Variants in SNX2 observed in about 807,000 individuals in gnomAD.
SNX2 encodes the protein sorting nexin-2.
A neutral mutation model predicts 69.9 loss-of-function variants in SNX2; 25 were observed. The observed-to-expected ratio is 0.36, with a 90% CI of 0.26 to 0.50. The LOEUF (loss-of-function observed/expected upper bound fraction) is 0.50, where lower values mean the gene tolerates loss of function less well. Ranked by LOEUF, SNX2 falls within the 20% of genes least tolerant of loss-of-function variation. The pLI is 0.97. For synonymous variants in SNX2, 229 were observed against 200.4 expected, an observed-to-expected ratio of 1.14 and a Z score of -1.20; for missense variants, 551 against 613.3, an observed-to-expected ratio of 0.90 and a Z score of 1.07.
At chr5:122,791,067 T>C (rs971396975) in intron 1 of SNX2, among the ~76,000 whole-genome samples, 2 of 152,126 alleles carry the variant, frequency 1.3e-5, no homozygotes, top group Non-Finnish European at 2.9e-5. Flanking sequence ...CATTAATAGA[T>C]ATTGGAGCCA....
chr5:122,832,618 C>T lies in SNX2; in HGVS notation c.*2970C>T, dbSNP rs1016783766. On this transcript the variant is annotated 3_prime_UTR_variant, in exon 15 of 15. Coordinates refer to ENST00000379516, the MANE Select transcript of SNX2 (RefSeq NM_003100.4). ...GTTCAAAAGTAATTGCGTCCTTTGT[C>T]GTTATATAAATTGTTTTATAAATGG... 22 of 151,924 alleles carry T rather than the reference C, an allele frequency of 1.4e-4. No individual in the cohort carries two copies. The highest frequency in any genetic ancestry group is 3.6e-4 in the African/African-American group (15 of 41,446). 9.4% of individuals were successfully genotyped at this position (151,924 alleles called of 1,614,324 possible). A position where few individuals can be genotyped will look rare whatever the true frequency, so the allele number is the denominator to read the frequency against.
At chr5:122,818,701 A>C in intron 10 of SNX2, 117 bp from the exon 11 acceptor site, 1 of 770,674 alleles carries the variant, frequency 1.3e-6, no homozygotes, top group South Asian at 2.0e-5. Context: ...TTAATTTAAA[A>C]TATTATTTGA....
chr5:122,777,454 T>C (rs1409422429), intron 1 of SNX2, among the ~76,000 whole-genome samples: 4 of 152,214 alleles, frequency 2.6e-5, no homozygotes, highest in Admixed American at 2.6e-4. Context: ...TAAGAAAATA[T>C]ATACTACTTA....
chr5:122,823,735 TG>T (rs1754081188), intron 11 of SNX2, among the ~76,000 whole-genome samples: 1 of 142,586 alleles, frequency 7.0e-6, no homozygotes, highest in Non-Finnish European at 1.5e-5. Context: ...TGTGTGTGTG[TG>T]TCGGAAGTGA....
intron 1 of SNX2, among the ~76,000 whole-genome samples, chr5:122,787,230 G>C (rs370308407): frequency 1.3e-5 from 2 of 152,088 alleles, no homozygotes; most frequent in African/African-American, 4.8e-5. Context: ...AAGATTAACA[G>C]CTCCCTTGGC....
Position 122,775,124 on chromosome 5 carries a change from T to A in SNX2, c.21T>A (p.Pro7=), listed in dbSNP as rs1311699030. 1 of 1,592,516 alleles carries A rather than the reference T, an allele frequency of 6.3e-7. No homozygotes were observed. The highest frequency in any genetic ancestry group is 2.3e-5 in the East Asian group (1 of 43,996). The change falls in exon 1 of 15, where the codon CCT becomes CCA. Residue 7 remains proline, a synonymous_variant. Coordinates refer to ENST00000379516, the MANE Select transcript of SNX2 (RefSeq NM_003100.4). MAAERE[P]PPLGDGKPTD... is the part of the protein sequence containing the mutation. ...CGAAGATGGCGGCCGAGAGGGAACC[T>A]CCTCCGCTGGGGGACGGGAAGCCCA...
At position 122,781,335 on chromosome 5, in the gene SNX2, A is replaced by G. The variant is rs112439516; in HGVS notation, c.108+6124A>G. ...ATTTGAGAGTCATTAAGTTTGTTCT[A>G]TGTATCAATTGTTAATGACTTGTTT... On this transcript the variant is annotated intron_variant, in intron 1 of 14. Transcript: ENST00000379516. Among the ~76,000 whole-genome samples, 660 of 152,282 alleles carry G rather than the reference A, an allele frequency of 4.3e-3. 5 individuals are homozygous for G. The highest frequency in any genetic ancestry group is 0.015 in the African/African-American group (625 of 41,562).
chr5:122,816,445 A>G (rs925262622), intron 8 of SNX2, among the ~76,000 whole-genome samples: 12 of 152,314 alleles, frequency 7.9e-5, no homozygotes, highest in Non-Finnish European at 1.3e-4. Context: ...TCCTAAGAGC[A>G]ATTTGAGTTC....
chr5:122,804,169 A>G (rs989350170), intron 6 of SNX2, among the ~76,000 whole-genome samples: 1 of 152,100 alleles, frequency 6.6e-6, no homozygotes, highest in African/African-American at 2.4e-5. Context: ...AAGCAGTTGG[A>G]AGCCCTAACC....
At chr5:122,825,608 C>G (rs1375612169) in intron 11 of SNX2, among the ~76,000 whole-genome samples, 1 of 151,878 alleles carries the variant, frequency 6.6e-6, no homozygotes, top group Non-Finnish European at 1.5e-5. Flanking sequence ...TACCACATAT[C>G]TTATGAGTTT....
intron 1 of SNX2, among the ~76,000 whole-genome samples, chr5:122,777,358 T>C (rs145975406): frequency 0.015 from 2,272 of 152,340 alleles, 23 homozygotes; most frequent in Non-Finnish European, 0.019. Context: ...TTTCCTGATA[T>C]CAGTGCTTCT....
intron 6 of SNX2, among the ~76,000 whole-genome samples, chr5:122,805,290 CAAA>C (rs767897080): frequency 6.8e-5 from 6 of 88,252 alleles, no homozygotes; most frequent in Admixed American, 1.2e-4. Context: ...GACTCCATCT[CAAA>C]AAAAAAAAAA....
At chr5:122,814,468 T>G (rs1046913402) in intron 7 of SNX2, among the ~76,000 whole-genome samples, 3 of 152,192 alleles carry the variant, frequency 2.0e-5, no homozygotes, top group African/African-American at 7.2e-5. Flanking sequence ...TAAAACGAAG[T>G]TTAGTATGCT....
chr5:122,805,431 T>A (rs1327156753), intron 6 of SNX2, among the ~76,000 whole-genome samples: 2 of 152,100 alleles, frequency 1.3e-5, no homozygotes, highest in East Asian at 3.9e-4. Context: ...AGCCAAATTT[T>A]GCTGATTTTT....
intron 12 of SNX2, 55 bp downstream of exon 12, chr5:122,826,248 T>G: frequency 1.4e-6 from 2 of 1,454,384 alleles, no homozygotes; most frequent in Middle Eastern, 4.8e-4. Flanking sequence ...GTCATTCATA[T>G]ATACATAATT....
chr5:122,826,093 A>G lies in SNX2; in HGVS notation c.1256A>G (p.Asp419Gly), dbSNP rs1754141769. ...HRMKCWQKWE[D>G]AQITLLKKRE... ...ATGAAGTGCTGGCAGAAATGGGAAG[A>G]TGCTCAAATTACTTTGCTCAAAAAA... Residue 419 changes from aspartate (D) to glycine (G), a missense_variant, in exon 12 of 15, where the codon GAT becomes GGT. Around this residue, in one of 2 missense-constraint regions of SNX2, gnomAD observed 360 missense variants for 450.4 expected, o/e 0.80. Transcript: ENST00000379516. 7 of 1,613,314 alleles carry G rather than the reference A, an allele frequency of 4.3e-6. No individual in the cohort carries two copies. The highest frequency in any genetic ancestry group is 5.9e-6 in the Non-Finnish European group (7 of 1,179,446).
At chr5:122,819,211 T>C (rs1435941200) in intron 11 of SNX2, among the ~76,000 whole-genome samples, 188 bp downstream of exon 11, 1 of 152,216 alleles carries the variant, frequency 6.6e-6, no homozygotes, top group Non-Finnish European at 1.5e-5. Flanking sequence ...ATAGAATTAA[T>C]GTTTTTAACA....
In SNX2 at chr5:122,831,488, TA is replaced by T. The variant is rs367962988; in HGVS notation, c.*1848del. ...GGACAACATAGTGAGACCCTGTCTC[TA>T]AAAAAAATGAAGACTTGATGAGTTG... On this transcript the variant is annotated 3_prime_UTR_variant, in exon 15 of 15. Coordinates refer to ENST00000379516, the MANE Select transcript of SNX2 (RefSeq NM_003100.4). 0.012 allele frequency among the ~76,000 whole-genome samples: 1,897 copies of T among 151,940 alleles called. 42 individuals are homozygous for T. Among genetic ancestry groups the T allele is most frequent in the African/African-American group, 0.044 (1,820 of 41,426 alleles).
Position 122,795,297 on chromosome 5 carries a change from T to C in SNX2, c.140T>C (p.Leu47Pro). 6.2e-7 allele frequency: 1 copy of C among 1,613,842 alleles called. No individual in the cohort carries two copies. ...SSPSSPEPAS[L>P]PAEDISANSN... ...CCATCATCTCCAGAACCAGCTAGTC[T>C]TCCTGCAGAAGATATTAGTGCAAAC... Residue 47 changes from leucine to proline, a missense_variant, in exon 2 of 15, where the codon CTT becomes CCT. Around this residue, in one of 2 missense-constraint regions of SNX2, gnomAD observed 191 missense variants for 162.9 expected, o/e 1.17. Coordinates refer to ENST00000379516, the MANE Select transcript of SNX2 (RefSeq NM_003100.4).
Sources: gnomAD v4.1 joint callset for allele counts (sites outside exome capture counted in the v4.1 genomes callset) on GRCh38, gnomAD v4.1.1 for gene constraint, gnomAD v4.1.1 regional missense constraint, MANE v1.5 for transcripts, NCBI Gene and HGNC (gene_info 2026-07-23, HGNC 2026-07-21) for gene names.